DMD: variants seen among roughly 807,000 people sequenced by gnomAD.
The protein encoded by DMD is mutant dystrophin.
A neutral mutation model predicts 330.1 loss-of-function variants in DMD; 63 were observed. That is an observed-to-expected ratio of 0.19 (90% CI 0.16 to 0.24). The LOEUF (loss-of-function observed/expected upper bound fraction) is 0.24. DMD is among the 10% of genes least tolerant of loss of function. The pLI is 1.00. For missense variants in DMD, 3,344 were observed against 2,684.1 expected (o/e 1.25, Z -5.43); for synonymous variants, 1,223 against 959.8 (o/e 1.27, Z -5.07).
intron 7 of DMD, among the ~76,000 whole-genome samples, chrX:32,735,730 T>A (rs2068373334): frequency 8.9e-6 from 1 of 112,128 alleles, no homozygotes; most frequent in South Asian, 3.7e-4. Context: ...AAGCTGAAAC[T>A]GGATCCCTTC....
chrX:31,928,103 A>G (rs1227791348), intron 47 of DMD, among the ~76,000 whole-genome samples: 2 of 112,243 alleles, frequency 1.8e-5, no homozygotes, highest in Non-Finnish European at 3.8e-5. Flanking sequence ...GTTCTGACAC[A>G]TGCTACAACA....
chrX:32,011,791 C>A (rs900098541), intron 44 of DMD, among the ~76,000 whole-genome samples: 6 of 111,652 alleles, frequency 5.4e-5, no homozygotes, highest in South Asian at 3.8e-4. Flanking sequence ...TTGTTTTGAT[C>A]TTTTCTCGTT....
At chrX:32,166,943 C>A (rs2096870645) in intron 44 of DMD, among the ~76,000 whole-genome samples, 1 of 111,703 alleles carries the variant, frequency 9.0e-6, no homozygotes, top group Admixed American at 9.5e-5. Flanking sequence ...CAGAACACAC[C>A]ACATATGTAT....
Position 32,292,299 on chromosome X carries a change from A to ATTTTTTTTTTTTT in DMD, c.6118-4599_6118-4598insAAAAAAAAAAAAA, listed in dbSNP as rs1355530949. The stretch of plus-strand genomic sequence containing the variant: ...TTTAACAAATATCAACAAAGGGAAT[A>ATTTTTTTTTTTTT]TTCTTTTTTTTTTTTTTTTGAGATG... On this transcript the variant is annotated intron_variant, in intron 42 of 78. Transcript: ENST00000357033. 2.0e-3 allele frequency among the ~76,000 whole-genome samples: 61 copies of ATTTTTTTTTTTTT among 30,757 alleles called. 1 individual carries two copies. Among genetic ancestry groups the ATTTTTTTTTTTTT allele is most frequent in the African/African-American group, 7.6e-3 (40 of 5,292 alleles). 26.7% of individuals were successfully genotyped at this position (30,757 alleles called of 115,157 possible).
chrX:32,504,295 C>T (rs1007965408), intron 18 of DMD, among the ~76,000 whole-genome samples: 64 of 111,616 alleles, frequency 5.7e-4, no homozygotes, highest in African/African-American at 2.0e-3. Flanking sequence ...ATCACAAATT[C>T]ACTTTAAAAT....
At chrX:31,605,298 A>G (rs1298850596) in intron 55 of DMD, among the ~76,000 whole-genome samples, 2 of 111,912 alleles carry the variant, frequency 1.8e-5, no homozygotes, top group Non-Finnish European at 3.8e-5. Context: ...TTGAGATCTT[A>G]ACAAGATCAC....
intron 44 of DMD, among the ~76,000 whole-genome samples, chrX:32,154,799 C>T (rs908368867): frequency 2.7e-5 from 3 of 110,461 alleles, no homozygotes; most frequent in Non-Finnish European, 5.7e-5. Flanking sequence ...GCCAAGATTC[C>T]CCTAGCAGGA....
chrX:32,241,689 A>T (rs1245303333), intron 43 of DMD, among the ~76,000 whole-genome samples: 1 of 112,303 alleles, frequency 8.9e-6, no homozygotes, highest in African/African-American at 3.2e-5. Flanking sequence ...GTAAATACAC[A>T]TCATGATTTG....
At chrX:31,748,760 C>T (rs1056317859) in intron 51 of DMD, among the ~76,000 whole-genome samples, 5 of 111,718 alleles carry the variant, frequency 4.5e-5, no homozygotes, top group African/African-American at 1.6e-4. Context: ...ATAATGACCA[C>T]CCCTCAATGG....
At chrX:33,096,005 C>T (rs1195557830) in intron 1 of DMD, among the ~76,000 whole-genome samples, 2 of 75,173 alleles carry the variant, frequency 2.7e-5, no homozygotes, top group Non-Finnish European at 4.6e-5. Context: ...GATGGAGTCT[C>T]GCTCTGTCAC....
intron 50 of DMD, among the ~76,000 whole-genome samples, chrX:31,779,152 T>C (rs976289381): frequency 5.4e-5 from 6 of 111,647 alleles, no homozygotes; most frequent in African/African-American, 2.0e-4. Context: ...AAAGAGGATT[T>C]GTTTTGCTAA....
intron 26 of DMD, among the ~76,000 whole-genome samples, 166 bp downstream of exon 26, chrX:32,454,496 A>G (rs2098347294): frequency 9.0e-6 from 1 of 111,000 alleles, no homozygotes; most frequent in African/African-American, 3.3e-5. Context: ...AGGTTGTTAA[A>G]ATGTATATTA....
rs186784680 is a variant in DMD, at chrX:31,483,346, G to A, written c.8548-4243C>T. Among the ~76,000 whole-genome samples the A allele has an allele frequency of 7.9e-3, 878 of 111,708 alleles. 6 individuals carry two copies. The highest frequency in any genetic ancestry group is 0.014 in the Non-Finnish European group (726 of 53,088). On this transcript the variant is annotated intron_variant, in intron 57 of 78. Transcript: ENST00000357033. ...CAGGCGTGAGCCACCACGCCCGGCC[G>A]GAAATGGATCTTAAAGGTCTCATCA...
chrX:33,326,351 T>C (rs1423399954), intron 1 of DMD, among the ~76,000 whole-genome samples: 1 of 111,279 alleles, frequency 9.0e-6, no homozygotes, highest in Admixed American at 9.6e-5. Context: ...AAATAAGTGG[T>C]GAAACAAGTA....
intron 55 of DMD, among the ~76,000 whole-genome samples, chrX:31,509,698 AC>A (rs1005764956): frequency 8.9e-5 from 10 of 112,108 alleles, no homozygotes; most frequent in African/African-American, 3.2e-4. Context: ...TGAATTTGCT[AC>A]TTTTCATCTT....
chrX:31,284,605 C>CTTTTTT (rs1556432295), intron 62 of DMD, among the ~76,000 whole-genome samples: 1 of 91,093 alleles, frequency 1.1e-5, no homozygotes, highest in African/African-American at 4.3e-5. Flanking sequence ...TCTTCTTCTT[C>CTTTTTT]TTTTTTTTGG....
chrX:31,518,765 C>A (rs763221424), intron 55 of DMD, among the ~76,000 whole-genome samples: 26 of 110,898 alleles, frequency 2.3e-4, no homozygotes, highest in African/African-American at 7.9e-4. Flanking sequence ...TATCCCCTAT[C>A]GAGGAAACCA....
intron 2 of DMD, among the ~76,000 whole-genome samples, chrX:33,008,757 A>G (rs1179426452): frequency 1.7e-5 from 1 of 57,469 alleles, no homozygotes; most frequent in Non-Finnish European, 3.5e-5. Context: ...TCAGATAAGT[A>G]TTTTTAAGTC....
At chrX:32,166,354 G>T (rs2096868449) in intron 44 of DMD, among the ~76,000 whole-genome samples, 1 of 110,734 alleles carries the variant, frequency 9.0e-6, no homozygotes, top group Non-Finnish European at 1.9e-5. Flanking sequence ...CTACTTGGGA[G>T]GCTGATGTGG....
Sources: allele counts gnomAD v4.1 joint callset (sites outside exome capture counted in the v4.1 genomes callset), GRCh38; gene constraint gnomAD v4.1.1; transcripts MANE v1.5; gene names NCBI Gene and HGNC (gene_info 2026-07-23, HGNC 2026-07-21).